Variants in USP35 observed in about 807,000 individuals in gnomAD.
USP35 encodes ubiquitin specific peptidase 35.
In USP35, 69 loss-of-function variants were observed where a neutral mutation model predicts 83.8. That is an observed-to-expected ratio of 0.82 (90% CI 0.68 to 1.01). The LOEUF is 1.01. USP35 is among the 50% of genes least tolerant of loss of function. The probability of loss-of-function intolerance (pLI) is 0.00; values close to 1 mark genes in which losing one functional copy is unlikely to be tolerated. For synonymous variants in USP35, 714 were observed against 589.5 expected, an observed-to-expected ratio of 1.21 and a Z score of -3.06; for missense variants, 1,503 against 1,362.5, an observed-to-expected ratio of 1.10 and a Z score of -1.62.
intron 10 of USP35, among the ~76,000 whole-genome samples, chr11:78,213,384 C>T (rs1174672494): frequency 6.6e-6 from 1 of 152,168 alleles, no homozygotes; most frequent in African/African-American, 2.4e-5. Context: ...CCTCTCGGTA[C>T]CACATTAGGC....
intron 6 of USP35, among the ~76,000 whole-genome samples, chr11:78,203,853 C>G (rs539124372): frequency 8.7e-5 from 13 of 149,152 alleles, no homozygotes; most frequent in African/African-American, 3.0e-4. Flanking sequence ...ATTGGGATTA[C>G]AGGTGTGAGC....
chr11:78,210,836 C>CT lies in USP35; in HGVS notation c.2889+98dup, dbSNP rs576936148. On this transcript the variant is annotated intron_variant, in intron 10 of 10. Transcript: ENST00000529308. ...TAGATAAGTCATTTCCCCTCTAAGT[C>CT]TTTTTTGTAAATCCCATTCATCTGT... 1.2e-3 allele frequency: 1,667 copies of CT among 1,342,174 alleles called. 26 individuals carry two copies. Among genetic ancestry groups the CT allele is most frequent in the Non-Finnish European group, 2.5e-4 (254 of 1,009,124 alleles). 83.1% of individuals were successfully genotyped at this position (1,342,174 alleles called of 1,614,324 possible). A position where few individuals can be genotyped will look rare whatever the true frequency, so the allele number is the denominator to read the frequency against.
the USP35 span, chr11:78,226,620 G>GGGGGGGGGGGGCCC: frequency 6.7e-7 from 1 of 1,500,554 alleles, no homozygotes; most frequent in Non-Finnish European, 9.3e-7. Flanking sequence ...GCGGGGTGGG[G>GGGGGGGGGGGGCCC]GAGCTATGGC....
At chr11:78,231,473 C>T in the USP35 span, among the ~76,000 whole-genome samples, 2 of 152,112 alleles carry the variant, frequency 1.3e-5, no homozygotes, top group African/African-American at 4.8e-5. Context: ...CCTCAGCACC[C>T]TGAGTAGCTG....
chr11:78,211,039 T>C (rs1035977662), intron 10 of USP35, among the ~76,000 whole-genome samples: 7 of 152,186 alleles, frequency 4.6e-5, no homozygotes, highest in Non-Finnish European at 8.8e-5. Context: ...GATCAACCCA[T>C]CACCTAAGTA....
the USP35 span, among the ~76,000 whole-genome samples, chr11:78,234,505 T>G: frequency 2.0e-5 from 3 of 151,456 alleles, no homozygotes; most frequent in Non-Finnish European, 4.4e-5. Context: ...TGTCAAGCTG[T>G]TTCAGCATCA....
At position 78,210,587 on chromosome 11, in the gene USP35, C is replaced by T; in HGVS notation, c.2732C>T (p.Ser911Phe). The change falls in exon 10 of 11, where the codon TCC (serine) becomes TTC (phenylalanine). Residue 911 changes from serine (S) to phenylalanine (F), a missense_variant. Transcript: ENST00000529308. ...TTCGAATCTGTCAGCAACGTCACCTCCTTCTTCCCTAAGGACACAGCCTAT... is the reference window on the plus strand; with the variant it reads ...TTCGAATCTGTCAGCAACGTCACCTTCTTCTTCCCTAAGGACACAGCCTAT... ...SSFESVSNVT[S>F]FFPKDTAYVL... 6.2e-7 allele frequency: 1 copy of T among 1,614,102 alleles called. No homozygotes were observed. The highest frequency in any genetic ancestry group is 8.5e-7 in the Non-Finnish European group (1 of 1,179,928).
chr11:78,206,769 C>T (rs1427083739), intron 7 of USP35, among the ~76,000 whole-genome samples: 2 of 152,202 alleles, frequency 1.3e-5, no homozygotes, highest in South Asian at 2.1e-4. Context: ...TCTAAGTGCT[C>T]GCTCAGCTTC....
In USP35 at chr11:78,215,092, T is replaced by TAA. The variant is rs1864051536; in HGVS notation, c.*1280_*1281insAA. ...GACAGACACGCCCAGAACCCATCTCTAGACGCCTAAGAAAGCTGGATGGGT... is the reference window on the plus strand; with the variant it reads ...GACAGACACGCCCAGAACCCATCTCTAAAGACGCCTAAGAAAGCTGGATGGGT... On this transcript the variant is annotated 3_prime_UTR_variant, in exon 11 of 11. Coordinates refer to ENST00000529308, the MANE Select transcript of USP35 (RefSeq NM_020798.4). Among the ~76,000 whole-genome samples, 1 of 152,224 alleles carries TAA rather than the reference T, an allele frequency of 6.6e-6. No individual in the cohort carries two copies. Among genetic ancestry groups the TAA allele is most frequent in the African/African-American group, 2.4e-5 (1 of 41,450 alleles).
chr11:78,218,994 G>A (rs1864282519), downstream of USP35: 7 of 416,138 alleles, frequency 1.7e-5, no homozygotes, highest in Admixed American at 2.7e-4. Context: ...GAGGCTGAAG[G>A]ATGCTTTTTG....
intron 6 of USP35, among the ~76,000 whole-genome samples, chr11:78,202,681 C>T (rs1863392161): frequency 6.6e-6 from 1 of 152,194 alleles, no homozygotes; most frequent in Admixed American, 6.5e-5. Flanking sequence ...CGAGAAAGAA[C>T]TTTTTGATAA....
In USP35 at chr11:78,197,969, T is replaced by C; in HGVS notation, c.707T>C (p.Val236Ala). The C allele has an allele frequency of 1.2e-6, 2 of 1,614,228 alleles. No individual in the cohort carries two copies. Among genetic ancestry groups the C allele is most frequent in the Non-Finnish European group, 1.7e-6 (2 of 1,180,026 alleles). ...EEPPSSALASVVQHLPLELMD... is the reference protein window; with the variant it reads ...EEPPSSALASAVQHLPLELMD... Reference sequence around the variant, plus strand: ...CCACCATCTAGCGCCCTGGCCAGCGTGGTCCAGCACCTCCCATTGGAGCTC... The same window carrying C: ...CCACCATCTAGCGCCCTGGCCAGCGCGGTCCAGCACCTCCCATTGGAGCTC... The change falls in exon 3 of 11, where the codon GTG becomes GCG. Residue 236 changes from valine to alanine, a missense_variant. Val to Ala is a moderately conservative substitution (Grantham distance 64). Coordinates refer to ENST00000529308, the MANE Select transcript of USP35 (RefSeq NM_020798.4).
Position 78,213,817 on chromosome 11 carries a change from G to T in USP35, c.*4G>T. 1.3e-6 allele frequency: 2 copies of T among 1,552,314 alleles called. No individual in the cohort carries two copies. Among genetic ancestry groups the T allele is most frequent in the Non-Finnish European group, 1.7e-6 (2 of 1,157,416 alleles). The stretch of plus-strand genomic sequence containing the variant: ...CTTCCACAGACTGGTCTTCTAATGT[G>T]AACCTGCTGCCAACCTGACCCCTTC... On this transcript the variant is annotated 3_prime_UTR_variant, in exon 11 of 11. Coordinates refer to ENST00000529308, the MANE Select transcript of USP35 (RefSeq NM_020798.4).
chr11:78,214,883 GACTTACTT>G lies in USP35; in HGVS notation c.*1073_*1080del, dbSNP rs10532208. Among the ~76,000 whole-genome samples the G allele has an allele frequency of 2.8e-3, 425 of 151,744 alleles. 2 individuals carry two copies. Among genetic ancestry groups the G allele is most frequent in the African/African-American group, 9.5e-3 (394 of 41,274 alleles). ...GTGTAAGTAAACGTGTGGACTGACT[GACTTACTT>G]ACCTTACTGAGGGCTGGGTGATGCT... is the stretch of plus-strand genomic sequence containing the variant. On this transcript the variant is annotated 3_prime_UTR_variant, in exon 11 of 11. Transcript: ENST00000529308.
At chr11:78,236,380 A>G in the USP35 span, among the ~76,000 whole-genome samples, 24 of 152,260 alleles carry the variant, frequency 1.6e-4, no homozygotes, top group Middle Eastern at 3.4e-3. Flanking sequence ...CGAACTCTTG[A>G]GCTCCAGGTA....
intron 8 of USP35, 102 bp from the exon 9 acceptor site, chr11:78,208,755 G>C (rs1418484612): frequency 1.5e-5 from 20 of 1,307,802 alleles, no homozygotes; most frequent in Non-Finnish European, 2.2e-5. Context: ...CAGGAAGTTT[G>C]AGGCCGAGGG....
intron 1 of USP35, among the ~76,000 whole-genome samples, chr11:78,189,837 A>C (rs1253370796): frequency 1.3e-5 from 2 of 152,080 alleles, no homozygotes; most frequent in Non-Finnish European, 2.9e-5. Flanking sequence ...TTTTCTTTCC[A>C]GGAGACAGTT....
At chr11:78,208,713 TAG>T (rs1355962845) in intron 8 of USP35, 142 bp from the exon 9 acceptor site, 1 of 851,792 alleles carries the variant, frequency 1.2e-6, no homozygotes, top group African/African-American at 1.7e-5. Flanking sequence ...TCAGGGACAA[TAG>T]AAAAGCGGGG....
Position 78,214,948 on chromosome 11 carries a change from T to G in USP35, c.*1135T>G, listed in dbSNP as rs1308785157. Among the ~76,000 whole-genome samples, 1 of 152,108 alleles carries G rather than the reference T, an allele frequency of 6.6e-6. No individual in the cohort carries two copies. The highest frequency in any genetic ancestry group is 2.4e-5 in the African/African-American group (1 of 41,414). ...GGAGAGGATGCACCTGGGAGGCAGC[T>G]CTCAAGCCTTTACCTACCTCCTTCC... On this transcript the variant is annotated 3_prime_UTR_variant, in exon 11 of 11. Transcript: ENST00000529308.
Sources: allele counts gnomAD v4.1 joint callset (sites outside exome capture counted in the v4.1 genomes callset), GRCh38; gene constraint gnomAD v4.1.1; transcripts MANE v1.5; gene names NCBI Gene and HGNC (gene_info 2026-07-23, HGNC 2026-07-21).